ATP10B: variants seen among roughly 807,000 people sequenced by gnomAD.
The protein encoded by ATP10B is phospholipid-transporting ATPase VB.
A neutral mutation model predicts 141.2 loss-of-function variants in ATP10B; 122 were observed. The ratio of observed to expected loss-of-function variants is 0.86; its 90% CI spans 0.75 to 1.00. The LOEUF is 1.00. Among genes scored for constraint, ATP10B ranks in the 50% least tolerant of loss-of-function variants. The pLI, the probability that ATP10B is intolerant of heterozygous loss-of-function variation, is 0.00. For missense variants in ATP10B, 1,876 were observed against 1,825.3 expected (o/e 1.03, Z -0.51); for synonymous variants, 685 against 692.0 (o/e 0.99, Z 0.16).
chr5:160,721,038 T>C (rs1049040560), intron 2 of ATP10B, among the ~76,000 whole-genome samples: 2 of 151,710 alleles, frequency 1.3e-5, no homozygotes, highest in Non-Finnish European at 2.9e-5. Flanking sequence ...TGTGCATATG[T>C]GTGTGTGTGT....
chr5:160,762,766 C>G (rs913041266), intron 2 of ATP10B, among the ~76,000 whole-genome samples: 3 of 152,030 alleles, frequency 2.0e-5, no homozygotes, highest in Non-Finnish European at 4.4e-5. Flanking sequence ...TTAAAAGATA[C>G]AGAATGGCAG....
At chr5:160,621,716 C>A (rs1481336294) in intron 14 of ATP10B, among the ~76,000 whole-genome samples, 1 of 152,160 alleles carries the variant, frequency 6.6e-6, no homozygotes, top group Admixed American at 6.5e-5. Flanking sequence ...CCTAATTATT[C>A]TCTCAGTGAC....
At chr5:160,817,980 C>T (rs1773793923) in intron 1 of ATP10B, among the ~76,000 whole-genome samples, 4 of 152,170 alleles carry the variant, frequency 2.6e-5, no homozygotes, top group South Asian at 2.1e-4. Flanking sequence ...CTTCCTTACA[C>T]CTTATACAAA....
chr5:160,705,895 T>C (rs1300089900), intron 3 of ATP10B, among the ~76,000 whole-genome samples: 4 of 152,218 alleles, frequency 2.6e-5, no homozygotes, highest in Non-Finnish European at 5.9e-5. Context: ...TTCTAGCTTT[T>C]GATTTAAAGT....
chr5:160,785,577 G>T lies in ATP10B; in HGVS notation c.-349C>A. ...ATAGTACCTGATAGGTAGATTTCAAGTCTTGTTCCTCTTTCTCCTTCCCTC... is the reference window on the plus strand; with the variant it reads ...ATAGTACCTGATAGGTAGATTTCAATTCTTGTTCCTCTTTCTCCTTCCCTC... On this transcript the variant is annotated 5_prime_UTR_variant, in exon 2 of 26. Transcript: ENST00000327245. 1 of 891,062 alleles carries T rather than the reference G, an allele frequency of 1.1e-6. No individual in the cohort carries two copies. The highest frequency in any genetic ancestry group is 1.6e-6 in the Non-Finnish European group (1 of 625,528). 55.2% of individuals were successfully genotyped at this position (891,062 alleles called of 1,614,324 possible).
At chr5:160,584,922 G>A (rs1321644912) in intron 24 of ATP10B, among the ~76,000 whole-genome samples, 1 of 152,166 alleles carries the variant, frequency 6.6e-6, no homozygotes, top group East Asian at 1.9e-4. Flanking sequence ...TTGGTCACCA[G>A]CATAGCTGTT....
intron 6 of ATP10B, among the ~76,000 whole-genome samples, chr5:160,683,047 A>ACCC (rs1561748546): frequency 6.1e-4 from 92 of 149,626 alleles, no homozygotes; most frequent in South Asian, 2.1e-3. Context: ...CCCCAAAAAA[A>ACCC]AAAAAAAAAA....
At chr5:160,915,764 A>AG in the ATP10B span, among the ~76,000 whole-genome samples, 5 of 152,184 alleles carry the variant, frequency 3.3e-5, no homozygotes, top group African/African-American at 1.2e-4. Flanking sequence ...GAGATGATTT[A>AG]GAGCCACCAT....
intron 1 of ATP10B, among the ~76,000 whole-genome samples, chr5:160,827,429 C>T (rs1774700123): frequency 6.6e-6 from 1 of 152,086 alleles, no homozygotes; most frequent in Non-Finnish European, 1.5e-5. Flanking sequence ...TTTTTTCATA[C>T]CTTTGTTGGC....
the ATP10B span, among the ~76,000 whole-genome samples, chr5:160,896,570 A>C: frequency 6.6e-6 from 1 of 152,210 alleles, no homozygotes; most frequent in African/African-American, 2.4e-5. Flanking sequence ...TTAATCAAAA[A>C]AAGCCCAGGA....
chr5:160,894,720 T>A, the ATP10B span, among the ~76,000 whole-genome samples: 1 of 151,992 alleles, frequency 6.6e-6, no homozygotes, highest in African/African-American at 2.4e-5. Context: ...AAGATATTCC[T>A]CGAGAAGAGC....
At chr5:160,571,802 G>A (rs1247110595) in intron 24 of ATP10B, among the ~76,000 whole-genome samples, 1 of 152,194 alleles carries the variant, frequency 6.6e-6, no homozygotes, top group Non-Finnish European at 1.5e-5. Flanking sequence ...GGCTACATAT[G>A]TACCTGAGGC....
the ATP10B span, among the ~76,000 whole-genome samples, chr5:160,902,153 T>C: frequency 6.6e-6 from 1 of 152,170 alleles, no homozygotes; most frequent in East Asian, 1.9e-4. Context: ...ATGGTAAAAA[T>C]TCAAAACCAA....
chr5:160,601,252 C>T (rs1211279436), intron 21 of ATP10B, among the ~76,000 whole-genome samples: 4 of 152,158 alleles, frequency 2.6e-5, no homozygotes, highest in Admixed American at 2.6e-4. Flanking sequence ...AAAGTCATTC[C>T]TGAGCAAAGG....
Position 160,565,799 on chromosome 5 carries a change from T to C in ATP10B, c.4040A>G (p.Gln1347Arg). The C allele has an allele frequency of 6.2e-7, 1 of 1,614,112 alleles. No homozygotes were observed. Among genetic ancestry groups the C allele is most frequent in the South Asian group, 1.1e-5 (1 of 91,080 alleles). ...AGGCCTCTGTCTGCTTCTCCAACTC[T>C]GGATTTCCAGGTTTCTTTTGTCTGG... ...LPPDKRNLEI[Q>R]SWRSRQRPAP... is the part of the protein sequence containing the mutation. The change falls in exon 26 of 26, where the codon CAG becomes CGG. Residue 1347 changes from glutamine to arginine, a missense_variant. Gln to Arg is a conservative substitution (Grantham distance 43, BLOSUM62 1). Coordinates refer to ENST00000327245, the MANE Select transcript of ATP10B (RefSeq NM_025153.3).
intron 7 of ATP10B, among the ~76,000 whole-genome samples, chr5:160,657,944 T>C (rs1761621837): frequency 6.6e-6 from 1 of 152,212 alleles, no homozygotes; most frequent in Admixed American, 6.5e-5. Context: ...AAGGGAGTAT[T>C]ACACAGACAA....
chr5:160,823,754 A>T (rs1449216978), intron 1 of ATP10B, among the ~76,000 whole-genome samples: 4 of 152,014 alleles, frequency 2.6e-5, no homozygotes, highest in Non-Finnish European at 5.9e-5. Flanking sequence ...GAATGGCATG[A>T]ACCCAGTAGG....
intron 7 of ATP10B, among the ~76,000 whole-genome samples, chr5:160,666,575 C>T (rs1762330081): frequency 6.6e-6 from 1 of 152,178 alleles, no homozygotes; most frequent in African/African-American, 2.4e-5. Flanking sequence ...CTATTGTCTT[C>T]TCATATTACT....
At chr5:160,923,364 A>G in the ATP10B span, among the ~76,000 whole-genome samples, 2 of 152,204 alleles carry the variant, frequency 1.3e-5, no homozygotes, top group African/African-American at 4.8e-5. Flanking sequence ...CAGCTCTGCC[A>G]TTTAATAGGC....
Sources: gnomAD v4.1 joint callset for allele counts (sites outside exome capture counted in the v4.1 genomes callset) on GRCh38, gnomAD v4.1.1 for gene constraint, MANE v1.5 for transcripts, NCBI Gene and HGNC (gene_info 2026-07-23, HGNC 2026-07-21) for gene names.